The following KIF13B variants were observed in gnomAD, a reference collection of about 807,000 sequenced individuals.
KIF13B encodes the protein kinesin family member 13B.
A neutral mutation model predicts 222.0 loss-of-function variants in KIF13B; 127 were observed. The ratio of observed to expected loss-of-function variants is 0.57; its 90% confidence interval spans 0.50 to 0.66. KIF13B has a LOEUF of 0.66. KIF13B is among the 30% of genes least tolerant of loss of function. KIF13B has a pLI of 0.00. For missense variants in KIF13B, 2,173 were observed against 2,379.0 expected, an observed-to-expected ratio of 0.91 and a Z score of 1.80; for synonymous variants, 976 against 919.0, an observed-to-expected ratio of 1.06 and a Z score of -1.12.
intron 3 of KIF13B, among the ~76,000 whole-genome samples, chr8:29,194,293 T>G (rs1368238460): frequency 7.1e-6 from 1 of 141,384 alleles, no homozygotes; most frequent in Non-Finnish European, 1.6e-5. Context: ...TTATTGGGTT[T>G]TTTTTTTTTT....
At chr8:29,182,838 G>A (rs1227399389) in intron 6 of KIF13B, among the ~76,000 whole-genome samples, 1 of 152,052 alleles carries the variant, frequency 6.6e-6, no homozygotes, top group Non-Finnish European at 1.5e-5. Context: ...GCAACATAAT[G>A]TGTATTTCAA....
chr8:29,075,586 C>T (rs1419408579), intron 37 of KIF13B, among the ~76,000 whole-genome samples: 2 of 152,236 alleles, frequency 1.3e-5, no homozygotes, highest in Non-Finnish European at 2.9e-5. Flanking sequence ...ACACACACGA[C>T]GCTCTCTCCC....
At chr8:29,165,840 A>G in intron 11 of KIF13B, 68 bp from the exon 12 acceptor site, 1 of 1,036,754 alleles carries the variant, frequency 9.6e-7, no homozygotes, top group Non-Finnish European at 1.5e-6. Context: ...GGCCAACTCT[A>G]AAAGGACAAA....
chr8:29,130,697 T>A (rs760881361), intron 23 of KIF13B, 32 bp from the exon 24 acceptor site: 2 of 1,611,006 alleles, frequency 1.2e-6, no homozygotes, highest in African/African-American at 2.7e-5. Context: ...TGGAAAATCA[T>A]ACATTTCTAT....
At chr8:29,103,147 C>T (rs2133585187) in intron 35 of KIF13B, among the ~76,000 whole-genome samples, 1 of 149,686 alleles carries the variant, frequency 6.7e-6, no homozygotes, top group Middle Eastern at 3.5e-3. Flanking sequence ...GAGGCTGAGG[C>T]AGGAGAACGG....
At chr8:29,186,162 T>C in intron 6 of KIF13B, 130 bp downstream of exon 6, 2 of 668,652 alleles carry the variant, frequency 3.0e-6, no homozygotes, top group Non-Finnish European at 5.1e-6. Context: ...AAGCTATGAT[T>C]GTGCCACTGC....
intron 32 of KIF13B, chr8:29,110,773 T>G (rs1809320624): frequency 1.3e-5 from 2 of 152,226 alleles, no homozygotes; most frequent in Non-Finnish European, 2.9e-5. Context: ...GAAAGAGGCT[T>G]TATTAATGTA....
intron 37 of KIF13B, 78 bp downstream of exon 37, chr8:29,092,667 C>T: frequency 6.9e-7 from 1 of 1,444,026 alleles, no homozygotes; most frequent in Non-Finnish European, 9.2e-7. Context: ...GGCCGCACCT[C>T]CACCTCCAGC....
At position 29,092,652 on chromosome 8, in the gene KIF13B, C is replaced by A. The variant is rs1808351493; in HGVS notation, c.4458+93G>T. 6 of 1,383,874 alleles carry A rather than the reference C, an allele frequency of 4.3e-6. No homozygotes were observed. The South Asian group carries it at 6.0e-5, about 14-fold the overall frequency. 85.7% of individuals were successfully genotyped at this position (1,383,874 alleles called of 1,614,324 possible). A position where few individuals can be genotyped will look rare whatever the true frequency, so the allele number is the denominator to read the frequency against. Reference sequence around the variant, plus strand: ...TTTAAAAACCCAGTTTAGCCCCAACCCAGAGGCCGCACCTCCACCTCCAGC... The same window carrying A: ...TTTAAAAACCCAGTTTAGCCCCAACACAGAGGCCGCACCTCCACCTCCAGC... On this transcript the variant is annotated intron_variant, in intron 37 of 39. Transcript: ENST00000524189.
At chr8:29,182,061 G>T in intron 6 of KIF13B, 55 bp from the exon 7 acceptor site, 1 of 1,337,712 alleles carries the variant, frequency 7.5e-7, no homozygotes, top group Non-Finnish European at 1.1e-6. Context: ...TTTTAAAAAG[G>T]ACTCAGCTCT....
At chr8:29,239,339 A>T (rs1171064152) in intron 2 of KIF13B, among the ~76,000 whole-genome samples, 1 of 152,218 alleles carries the variant, frequency 6.6e-6, no homozygotes, top group Non-Finnish European at 1.5e-5. Context: ...ATACTACGAC[A>T]ATTTTCACTG....
chr8:29,247,776 G>A (rs1816093352), intron 1 of KIF13B, among the ~76,000 whole-genome samples: 1 of 145,470 alleles, frequency 6.9e-6, no homozygotes, highest in African/African-American at 2.6e-5. Flanking sequence ...CAAGGCTGCA[G>A]TGAGCTGTGA....
intron 37 of KIF13B, among the ~76,000 whole-genome samples, chr8:29,091,259 G>A (rs1808286557): frequency 6.6e-6 from 1 of 152,128 alleles, no homozygotes; most frequent in South Asian, 2.1e-4. Context: ...CTAATCACTC[G>A]TTGCCAAAAC....
rs148262674 is a variant in KIF13B, at chr8:29,142,548, T to G, written c.2188-245A>C. Among the ~76,000 whole-genome samples, 1,164 of 152,204 alleles carry G rather than the reference T, an allele frequency of 7.6e-3. 12 individuals are homozygous for G. Among genetic ancestry groups the G allele is most frequent in the African/African-American group, 0.026 (1,079 of 41,532 alleles). On this transcript the variant is annotated intron_variant, in intron 18 of 39. Coordinates refer to ENST00000524189, the MANE Select transcript of KIF13B (RefSeq NM_015254.4). Reference sequence around the variant, plus strand: ...GTATAAACTTACATTAAAAATTTTTTGGGGGGAGTTGCTGGGCATGGTGGT... The same window carrying G: ...GTATAAACTTACATTAAAAATTTTTGGGGGGGAGTTGCTGGGCATGGTGGT...
chr8:29,146,756 C>T (rs940631560), intron 17 of KIF13B, among the ~76,000 whole-genome samples: 7 of 152,148 alleles, frequency 4.6e-5, no homozygotes, highest in African/African-American at 1.2e-4. Context: ...CACAGCAAGC[C>T]GGCTGTAGAT....
In KIF13B at chr8:29,148,569, T is replaced by C; in HGVS notation, c.1813+8A>G. The C allele has an allele frequency of 6.3e-7, 1 of 1,583,966 alleles. No homozygotes were observed. Among genetic ancestry groups the C allele is most frequent in the East Asian group, 2.3e-5 (1 of 44,254 alleles). ...ACTGATTCTCAAGTGCACGCCCGAC[T>C]TGCTCACCATTGCTGCCCAGGGCCT... On this transcript the variant is annotated splice_region_variant and intron_variant, in intron 16 of 39. Transcript: ENST00000524189.
intron 36 of KIF13B, among the ~76,000 whole-genome samples, chr8:29,098,107 G>A (rs1421303951): frequency 7.1e-6 from 1 of 140,296 alleles, no homozygotes; most frequent in Non-Finnish European, 1.5e-5. Flanking sequence ...GGAGGCAAAG[G>A]TTGCAGTGAG....
At chr8:29,263,140 G>C (rs1816754335), upstream of KIF13B, 7 of 501,280 alleles carry the variant, frequency 1.4e-5, no homozygotes, top group East Asian at 9.6e-5. Flanking sequence ...CGGGGGTGGG[G>C]ACCGGGCTGG....
chr8:29,223,228 T>G (rs1421538459), intron 2 of KIF13B, among the ~76,000 whole-genome samples: 3 of 149,218 alleles, frequency 2.0e-5, no homozygotes, highest in Non-Finnish European at 4.4e-5. Context: ...CCCAGCTGCT[T>G]TGGGGGCTGA....
Sources: gnomAD v4.1 joint callset for allele counts (sites outside exome capture counted in the v4.1 genomes callset) on GRCh38, gnomAD v4.1.1 for gene constraint, MANE v1.5 for transcripts, NCBI Gene and HGNC (gene_info 2026-07-23, HGNC 2026-07-21) for gene names.